Variants in ZNF282 observed in about 807,000 individuals in gnomAD.
ZNF282 encodes HTLV-I U5 repressive element-binding protein 1.
Under a neutral mutation model 61.9 loss-of-function variants are expected in ZNF282, and 30 were observed. The observed-to-expected ratio is 0.48, with a 90% CI of 0.36 to 0.66. The LOEUF (loss-of-function observed/expected upper bound fraction) is 0.66. ZNF282 is among the 30% of genes least tolerant of loss of function. The pLI is 0.00. For synonymous variants in ZNF282, 396 were observed against 405.0 expected (o/e 0.98, Z 0.27); for missense variants, 788 against 941.4 (o/e 0.84, Z 2.13).
At chr7:149,220,131 G>T (rs560067242) in intron 7 of ZNF282, among the ~76,000 whole-genome samples, 3 of 152,074 alleles carry the variant, frequency 2.0e-5, no homozygotes, top group African/African-American at 7.2e-5. Flanking sequence ...TAAAGAAGCC[G>T]GGCACGGTGG....
intron 2 of ZNF282, among the ~76,000 whole-genome samples, chr7:149,206,469 T>C (rs1795992002): frequency 6.6e-6 from 1 of 152,198 alleles, no homozygotes; most frequent in Non-Finnish European, 1.5e-5. Context: ...TGGATGTGGC[T>C]AAATGCTTTT....
chr7:149,220,921 T>TTTTTTTG (rs1414794423), intron 7 of ZNF282, among the ~76,000 whole-genome samples: 3 of 44,234 alleles, frequency 6.8e-5, no homozygotes, highest in South Asian at 1.9e-3. Flanking sequence ...TGGAGGGTTT[T>TTTTTTTG]TTTTTTTTTT....
rs545260496 is a variant in ZNF282 at position 149,223,888 on chromosome 7, G to T, written c.1257G>T (p.Pro419=). 2.6e-5 allele frequency: 37 copies of T among 1,404,978 alleles called. No homozygotes were observed. The highest frequency in any genetic ancestry group is 3.1e-5 in the Non-Finnish European group (33 of 1,077,854). 87.0% of individuals were successfully genotyped at this position (1,404,978 alleles called of 1,614,324 possible). The part of the protein sequence containing the change: ...QPQPQPQPPQ[P]QLQSQPQPQS... ...AGCCCCAGCCCCAGCCACCGCAGCC[G>T]CAGCTGCAGTCGCAGCCCCAGCCCC... Residue 419 remains proline (P), a synonymous_variant, in exon 8 of 8, where the codon CCG becomes CCT. Transcript: ENST00000610704.
At chr7:149,205,266 C>T (rs893356149) in intron 2 of ZNF282, among the ~76,000 whole-genome samples, 2 of 150,850 alleles carry the variant, frequency 1.3e-5, no homozygotes, top group Admixed American at 6.6e-5. Flanking sequence ...GGCGAAACCC[C>T]GTCTCTACTA....
intron 5 of ZNF282, among the ~76,000 whole-genome samples, chr7:149,211,187 C>A (rs1444438329): frequency 6.6e-6 from 1 of 152,232 alleles, no homozygotes; most frequent in Non-Finnish European, 1.5e-5. Flanking sequence ...TGCAGCTGGA[C>A]TCTGTCGTAG....
rs1015660142 is a variant in ZNF282, at chr7:149,202,361, G to C, written c.585+3609G>C. On this transcript the variant is annotated intron_variant, in intron 2 of 7. Transcript: ENST00000610704. The stretch of plus-strand genomic sequence containing the variant: ...GAGTCTTGCTCTATTGCCCAAGCTG[G>C]AGTGCAGTGGTGCGAACTCGGCTCA... Among the ~76,000 whole-genome samples the C allele has an allele frequency of 1.3e-4, 19 of 151,690 alleles. 1 individual carries two copies. Among genetic ancestry groups the C allele is most frequent in the African/African-American group, 4.1e-4 (17 of 41,332 alleles).
At chr7:149,214,850 A>T (rs1796138280) in intron 7 of ZNF282, among the ~76,000 whole-genome samples, 1 of 152,048 alleles carries the variant, frequency 6.6e-6, no homozygotes. Flanking sequence ...TGAAAGAAAA[A>T]ACAAAAAACA....
chr7:149,208,171 C>T (rs1048143046), intron 4 of ZNF282, among the ~76,000 whole-genome samples: 21 of 152,162 alleles, frequency 1.4e-4, no homozygotes, highest in Non-Finnish European at 1.9e-4. Flanking sequence ...TGTCTGGGCC[C>T]TCTGTCCTCC....
At chr7:149,212,871 C>A (rs987668855) in intron 6 of ZNF282, among the ~76,000 whole-genome samples, 1 of 152,154 alleles carries the variant, frequency 6.6e-6, no homozygotes. Context: ...CATGAGCCAC[C>A]GCGTCCGGCC....
rs528260899 is a variant in ZNF282 at position 149,208,471 on chromosome 7, A to G, written c.832+1001A>G. Among the ~76,000 whole-genome samples, 111 of 151,950 alleles carry G rather than the reference A, an allele frequency of 7.3e-4. 2 individuals are homozygous for G. The highest frequency in any genetic ancestry group is 1.2e-3 in the Admixed American group (18 of 15,284). On this transcript the variant is annotated intron_variant, in intron 4 of 7. Transcript: ENST00000610704. ...ACCCGCCTCGGCCTCCCAAAGTGCT[A>G]GGATTACAGGCGTGAGCCACCATGC...
chr7:149,220,208 A>C (rs1796221288), intron 7 of ZNF282, among the ~76,000 whole-genome samples: 1 of 152,254 alleles, frequency 6.6e-6, no homozygotes, highest in East Asian at 1.9e-4. Flanking sequence ...GGAGATCGAG[A>C]CCATCCTGGC....
intron 2 of ZNF282, among the ~76,000 whole-genome samples, chr7:149,204,873 C>T (rs1015924296): frequency 4.6e-5 from 7 of 152,244 alleles, no homozygotes; most frequent in South Asian, 2.1e-4. Context: ...AATACCAACA[C>T]TTGGGGAGGC....
intron 7 of ZNF282, among the ~76,000 whole-genome samples, chr7:149,216,889 G>A (rs1344912233): frequency 9.2e-5 from 14 of 152,242 alleles, no homozygotes; most frequent in Non-Finnish European, 2.1e-4. Flanking sequence ...ATTAATGAGT[G>A]TATACTGAGT....
At chr7:149,211,632 A>C (rs894442038) in intron 5 of ZNF282, among the ~76,000 whole-genome samples, 33 of 152,222 alleles carry the variant, frequency 2.2e-4, no homozygotes, top group African/African-American at 8.0e-4. Context: ...AACAATCATG[A>C]GACATATTAA....
At chr7:149,209,288 C>G (rs1317148146) in intron 4 of ZNF282, among the ~76,000 whole-genome samples, 1 of 151,758 alleles carries the variant, frequency 6.6e-6, no homozygotes, top group African/African-American at 2.4e-5. Context: ...TGCCACTGCA[C>G]TCCAGCCTGG....
chr7:149,205,392 C>G (rs1158027636), intron 2 of ZNF282, among the ~76,000 whole-genome samples: 1 of 151,970 alleles, frequency 6.6e-6, no homozygotes, highest in South Asian at 2.1e-4. Flanking sequence ...GAGCTGGTAT[C>G]GCGTCACTGC....
In ZNF282 at chr7:149,224,102, G is replaced by A. The variant is rs2129523801; in HGVS notation, c.1471G>A (p.Gly491Arg). The A allele has an allele frequency of 1.4e-6, 2 of 1,398,026 alleles. No individual in the cohort carries two copies. The highest frequency in any genetic ancestry group is 1.9e-6 in the Non-Finnish European group (2 of 1,080,612). 86.6% of individuals were successfully genotyped at this position (1,398,026 alleles called of 1,614,324 possible). A position where few individuals can be genotyped will look rare whatever the true frequency, so the allele number is the denominator to read the frequency against. Residue 491 changes from glycine (G) to arginine (R), a missense_variant, in exon 8 of 8, where the codon GGG becomes AGG. Gly to Arg is a moderately radical substitution (Grantham distance 125). Coordinates refer to ENST00000610704, the MANE Select transcript of ZNF282 (RefSeq NM_003575.4). ...GGGGGAEAGT[G>R]AGGGCGSCCP... ...GGGCGGCGGCGCGGAGGCGGGGACG[G>A]GGGCAGGCGGCGGCTGTGGCAGCTG... is the stretch of plus-strand genomic sequence containing the variant.
At chr7:149,199,370 T>G (rs1323076190) in intron 2 of ZNF282, among the ~76,000 whole-genome samples, 1 of 152,028 alleles carries the variant, frequency 6.6e-6, no homozygotes, top group Non-Finnish European at 1.5e-5. Context: ...AGACTCTGCT[T>G]TCCCTTGTTC....
intron 5 of ZNF282, among the ~76,000 whole-genome samples, chr7:149,211,751 G>C (rs1796089016): frequency 1.3e-5 from 2 of 152,096 alleles, no homozygotes; most frequent in African/African-American, 2.4e-5. Flanking sequence ...CTGGGTAGAG[G>C]AAAGCCCGTT....
Sources: gnomAD v4.1 joint callset for allele counts (sites outside exome capture counted in the v4.1 genomes callset) on GRCh38, gnomAD v4.1.1 for gene constraint, MANE v1.5 for transcripts, NCBI Gene and HGNC (gene_info 2026-07-23, HGNC 2026-07-21) for gene names.